NEO1: variants seen among roughly 807,000 people sequenced by gnomAD.
NEO1 encodes neogenin 1, also known as neogenin.
Under a neutral mutation model 159.7 loss-of-function variants are expected in NEO1, and 63 were observed. The ratio of observed to expected loss-of-function variants is 0.39; its 90% CI spans 0.32 to 0.49. The LOEUF (loss-of-function observed/expected upper bound fraction) is 0.49. Among genes scored for constraint, NEO1 ranks in the 20% least tolerant of loss-of-function variants. NEO1 has a pLI of 0.85. For synonymous variants in NEO1, 633 were observed against 662.0 expected (o/e 0.96, Z 0.67); for missense variants, 1,615 against 1,831.0 (o/e 0.88, Z 2.15).
intron 11 of NEO1, among the ~76,000 whole-genome samples, chr15:73,251,209 T>G (rs1567603914): frequency 6.6e-6 from 1 of 152,166 alleles, no homozygotes; most frequent in African/African-American, 2.4e-5. Context: ...TTGACAGTTT[T>G]CAGGATTAAA....
chr15:73,076,024 G>A (rs979555792), intron 1 of NEO1, among the ~76,000 whole-genome samples: 2 of 152,082 alleles, frequency 1.3e-5, no homozygotes, highest in African/African-American at 4.8e-5. Context: ...TCTCATATTT[G>A]CAATAATTTA....
rs1419457629 is a variant in NEO1, at chr15:73,052,702, ACTC to A, written c.31_33del (p.Leu11del). 5 of 1,350,272 alleles carry A rather than the reference ACTC, an allele frequency of 3.7e-6. No individual in the cohort carries two copies. Among genetic ancestry groups the A allele is most frequent in the Non-Finnish European group, 4.8e-6 (5 of 1,044,530 alleles). The allele number at this position is 1,350,272 out of a possible 1,614,324, so 83.6% of individuals were successfully genotyped here. On this transcript the variant is annotated inframe_deletion, in exon 1 of 29. Coordinates refer to ENST00000261908, the MANE Select transcript of NEO1 (RefSeq NM_002499.4). ...TGGCGGCGGAGCGGGGAGCCCGGCG[ACTC>A]CTCAGCACCCCCTCCTTCTGGCTCT...
At chr15:73,214,326 C>G (rs2037757199) in intron 7 of NEO1, among the ~76,000 whole-genome samples, 1 of 152,166 alleles carries the variant, frequency 6.6e-6, no homozygotes, top group Non-Finnish European at 1.5e-5. Flanking sequence ...CATTTGGGTT[C>G]TTGGTCATGA....
At chr15:73,078,315 A>G (rs1032009625) in intron 1 of NEO1, among the ~76,000 whole-genome samples, 1 of 152,200 alleles carries the variant, frequency 6.6e-6, no homozygotes, top group Non-Finnish European at 1.5e-5. Context: ...TTGACAATGT[A>G]GAATGCTTTC....
At chr15:73,131,619 C>A (rs1166736394) in intron 4 of NEO1, among the ~76,000 whole-genome samples, 1 of 152,200 alleles carries the variant, frequency 6.6e-6, no homozygotes, top group Non-Finnish European at 1.5e-5. Flanking sequence ...CCTAATTGTT[C>A]TTCCTACTTG....
rs1306792629 is a variant in NEO1 at position 73,244,268 on chromosome 15, G to A, written c.1452-76G>A. ...GACTTACACTGATAGATTTTTATGT[G>A]GAGTGGAAAATGAAACTGTACATTC... is the stretch of plus-strand genomic sequence containing the variant. On this transcript the variant is annotated intron_variant, in intron 8 of 28. Coordinates refer to ENST00000261908, the MANE Select transcript of NEO1 (RefSeq NM_002499.4). 4 of 1,469,984 alleles carry A rather than the reference G, an allele frequency of 2.7e-6. No homozygotes were observed. The African/African-American group carries it at 4.2e-5, about 15-fold the overall frequency. 91.1% of individuals were successfully genotyped at this position (1,469,984 alleles called of 1,614,324 possible). A position where few individuals can be genotyped will look rare whatever the true frequency, so the allele number is the denominator to read the frequency against.
chr15:73,262,488 A>G (rs917050716), intron 15 of NEO1, among the ~76,000 whole-genome samples: 1 of 152,228 alleles, frequency 6.6e-6, no homozygotes, highest in African/African-American at 2.4e-5. Flanking sequence ...TGAGTGGACA[A>G]TAACCATATG....
intron 13 of NEO1, 53 bp from the exon 14 acceptor site, chr15:73,258,713 T>G: frequency 6.8e-7 from 1 of 1,460,610 alleles, no homozygotes; most frequent in Non-Finnish European, 9.6e-7. Flanking sequence ...TTATTAATCT[T>G]TTGTTTTTCC....
At chr15:73,081,199 A>AT (rs1172284682) in intron 1 of NEO1, among the ~76,000 whole-genome samples, 4 of 151,706 alleles carry the variant, frequency 2.6e-5, no homozygotes, top group Admixed American at 1.3e-4. Flanking sequence ...TCTCACCTGT[A>AT]TTTTTTTCTA....
intron 5 of NEO1, among the ~76,000 whole-genome samples, chr15:73,170,755 G>T (rs562813506): frequency 6.6e-6 from 1 of 152,120 alleles, no homozygotes; most frequent in Non-Finnish European, 1.5e-5. Flanking sequence ...GCCCCTTTTC[G>T]AAGTACGGTA....
intron 22 of NEO1, among the ~76,000 whole-genome samples, chr15:73,279,347 TTTGG>T (rs755387957): frequency 0.076 from 9,821 of 130,066 alleles, 1,064 homozygotes; most frequent in Non-Finnish European, 0.1. Context: ...TTGTTTTGGT[TTTGG>T]TTTTTTTTTT....
At chr15:73,127,776 A>C (rs2030492077) in intron 4 of NEO1, among the ~76,000 whole-genome samples, 1 of 152,210 alleles carries the variant, frequency 6.6e-6, no homozygotes, top group African/African-American at 2.4e-5. Context: ...AAAAGAATAA[A>C]GTTTATGTTT....
At position 73,121,890 on chromosome 15, in the gene NEO1, C is replaced by T. The variant is rs114134277; in HGVS notation, c.449-635C>T. On this transcript the variant is annotated intron_variant, in intron 2 of 28. Transcript: ENST00000261908. The stretch of plus-strand genomic sequence containing the variant: ...TTCTTACTTTACGTCGTAAGATGTA[C>T]CAGGTTCATCTTGTGCTTTCTCTCC... Among the ~76,000 whole-genome samples the T allele has an allele frequency of 6.2e-3, 946 of 151,788 alleles. 11 individuals carry two copies. Among genetic ancestry groups the T allele is most frequent in the African/African-American group, 0.022 (907 of 41,392 alleles).
At chr15:73,224,400 T>A (rs556109400) in intron 7 of NEO1, among the ~76,000 whole-genome samples, 1 of 152,370 alleles carries the variant, frequency 6.6e-6, no homozygotes, top group East Asian at 1.9e-4. Context: ...TTTCCAAATA[T>A]GTTTTCCAAA....
chr15:73,223,490 T>C (rs1476992152), intron 7 of NEO1, among the ~76,000 whole-genome samples: 1 of 152,170 alleles, frequency 6.6e-6, no homozygotes, highest in Non-Finnish European at 1.5e-5. Flanking sequence ...ATGTTTAGGA[T>C]TGTGATATTT....
At position 73,078,131 on chromosome 15, in the gene NEO1, G is replaced by A. The variant is rs927471001; in HGVS notation, c.130+25326G>A. On this transcript the variant is annotated intron_variant, in intron 1 of 28. Coordinates refer to ENST00000261908, the MANE Select transcript of NEO1 (RefSeq NM_002499.4). Reference sequence around the variant, plus strand: ...GAAGCGTCCTTGATCTGACAGTGGTGTATACTGTGAATTGGAAGAGTGGGT... The same window carrying A: ...GAAGCGTCCTTGATCTGACAGTGGTATATACTGTGAATTGGAAGAGTGGGT... 1.4e-4 allele frequency among the ~76,000 whole-genome samples: 21 copies of A among 152,150 alleles called. 1 individual carries two copies. Among genetic ancestry groups the A allele is most frequent in the African/African-American group, 3.9e-4 (16 of 41,430 alleles).
intron 1 of NEO1, among the ~76,000 whole-genome samples, chr15:73,084,793 G>C (rs1414772040): frequency 6.6e-6 from 1 of 151,574 alleles, no homozygotes; most frequent in African/African-American, 2.4e-5. Context: ...GTGTGTGTGT[G>C]TGTGTTTAAT....
At position 73,249,107 on chromosome 15, in the gene NEO1, C is replaced by T. The variant is rs565808178; in HGVS notation, c.1654C>T (p.Pro552Ser). Reference sequence around the variant, plus strand: ...TAACCTTCGTGCATATGCAGCTTCGCCTACCTCCATCACTGTTACGTGGGA... The same window carrying T: ...TAACCTTCGTGCATATGCAGCTTCGTCTACCTCCATCACTGTTACGTGGGA... ...APNLRAYAAS[P>S]TSITVTWETP... Residue 552 changes from proline to serine, a missense_variant, in exon 10 of 29, where the codon CCT becomes TCT. Around this residue, in one of 3 missense-constraint regions of NEO1, gnomAD observed 1,018 missense variants for 1,115.4 expected, o/e 0.91. Transcript: ENST00000261908. The T allele has an allele frequency of 6.9e-5, 112 of 1,614,110 alleles. No individual in the cohort carries two copies. In the South Asian group the frequency reaches 1.2e-3, roughly 17 times the overall value.
chr15:73,165,499 T>C (rs2034510649), intron 5 of NEO1, among the ~76,000 whole-genome samples: 1 of 152,126 alleles, frequency 6.6e-6, no homozygotes, highest in Admixed American at 6.5e-5. Flanking sequence ...AACCATCCAG[T>C]AGTCAATTTT....
Sources: allele counts gnomAD v4.1 joint callset (sites outside exome capture counted in the v4.1 genomes callset), GRCh38; gene constraint gnomAD v4.1.1; regional missense constraint gnomAD v4.1.1; transcripts MANE v1.5; gene names NCBI Gene and HGNC (gene_info 2026-07-23, HGNC 2026-07-21).